ZFAND4: variants seen among roughly 807,000 people sequenced by gnomAD.
ZFAND4 encodes the protein AN1-type zinc finger protein 4.
A neutral mutation model predicts 64.4 loss-of-function variants in ZFAND4; 43 were observed. That is an observed-to-expected ratio of 0.67 (90% CI 0.52 to 0.86). The LOEUF is 0.86. Ranked by LOEUF, ZFAND4 falls within the 40% of genes least tolerant of loss-of-function variation. The pLI is 0.00. For missense variants in ZFAND4, 929 were observed against 859.8 expected (o/e 1.08, Z -1.01); for synonymous variants, 296 against 305.7 (o/e 0.97, Z 0.33).
chr10:45,649,859 T>A (rs2047646106), intron 4 of ZFAND4: 1 of 152,182 alleles, frequency 6.6e-6, no homozygotes, highest in South Asian at 2.1e-4. Context: ...TTATGCCCAT[T>A]TTTTAGATAT....
Position 45,616,309 on chromosome 10 carries a change from G to T in ZFAND4, c.*127C>A. On this transcript the variant is annotated 3_prime_UTR_variant, in exon 10 of 10. Coordinates refer to ENST00000344646, the MANE Select transcript of ZFAND4 (RefSeq NM_174890.4). ...ACAGTAGCATTCTTGTTCTCCAACA[G>T]TATGCATTGTATGCTTTTGTTATTT... 1.7e-6 allele frequency: 2 copies of T among 1,210,610 alleles called. No individual in the cohort carries two copies. Among genetic ancestry groups the T allele is most frequent in the South Asian group, 1.5e-5 (1 of 64,646 alleles). 75.0% of individuals were successfully genotyped at this position (1,210,610 alleles called of 1,614,324 possible).
In ZFAND4 at chr10:45,619,669, T is replaced by C. The variant is rs752398149; in HGVS notation, c.1928-1409A>G. On this transcript the variant is annotated intron_variant, in intron 8 of 9. Coordinates refer to ENST00000344646, the MANE Select transcript of ZFAND4 (RefSeq NM_174890.4). ...GAAATTTCTTAAAGGGTTCAAAAAA[T>C]TGGATTTACAATTAATTGGTTCTAT... 9.2e-5 allele frequency among the ~76,000 whole-genome samples: 14 copies of C among 152,226 alleles called. No individual in the cohort carries two copies. The East Asian group carries it at 2.7e-3, about 29-fold the overall frequency.
At chr10:45,635,036 GAATT>G (rs1046500345) in intron 6 of ZFAND4, among the ~76,000 whole-genome samples, 3 of 151,616 alleles carry the variant, frequency 2.0e-5, no homozygotes, top group Non-Finnish European at 4.4e-5. Context: ...TGAGTTGGAA[GAATT>G]AATATTGTTA....
chr10:45,654,883 A>C (rs1311754091), intron 2 of ZFAND4, among the ~76,000 whole-genome samples: 1 of 152,198 alleles, frequency 6.6e-6, no homozygotes, highest in Non-Finnish European at 1.5e-5. Context: ...GAAAAGAGAT[A>C]AACAACAACA....
rs2045849159 is a variant in ZFAND4 at position 45,626,627 on chromosome 10, C to T, written c.1196G>A (p.Gly399Asp). ...VTEQSLLPKV[G>D]SLASFAEGNA... ...TCCTTCTGCAAATGAAGCCAGTGAG[C>T]CCACTTTAGGTAGAAGTGATTGTTC... The change falls in exon 7 of 10, where the codon GGC becomes GAC. Residue 399 changes from glycine (G) to aspartate (D), a missense_variant. Gly to Asp is a moderately conservative substitution (Grantham distance 94, BLOSUM62 -1). Transcript: ENST00000344646. 16 of 1,614,212 alleles carry T rather than the reference C, an allele frequency of 9.9e-6. No individual in the cohort carries two copies. The highest frequency in any genetic ancestry group is 1.3e-5 in the African/African-American group (1 of 75,040).
In ZFAND4 at chr10:45,625,978, G is replaced by A; in HGVS notation, c.1845C>T (p.Pro615=). The A allele has an allele frequency of 6.2e-7, 1 of 1,614,030 alleles. No homozygotes were observed. Among genetic ancestry groups the A allele is most frequent in the Non-Finnish European group, 8.5e-7 (1 of 1,180,016 alleles). The stretch of plus-strand genomic sequence containing the variant: ...AAAAAACTCCTGTATGTTCTAACTG[G>A]GGAGAACTTTTCCTAAAGTTTTCTT... ...FQEENFRKSS[P]QLEHTGVFLS... Residue 615 remains proline (P), a synonymous_variant, in exon 7 of 10, where the codon CCC becomes CCT. Transcript: ENST00000344646.
intron 5 of ZFAND4, among the ~76,000 whole-genome samples, chr10:45,642,181 G>C (rs1263016269): frequency 6.6e-6 from 1 of 152,154 alleles, no homozygotes; most frequent in Non-Finnish European, 1.5e-5. Flanking sequence ...GAGTTACTCT[G>C]TGGCATTTTA....
chr10:45,628,829 A>T (rs1564567737), intron 6 of ZFAND4, among the ~76,000 whole-genome samples: 1 of 149,898 alleles, frequency 6.7e-6, no homozygotes, highest in Non-Finnish European at 1.5e-5. Flanking sequence ...AATCCAAGAA[A>T]CTCATCTGCA....
chr10:45,667,452 TTC>T (rs1290557332), intron 1 of ZFAND4, among the ~76,000 whole-genome samples: 1 of 139,386 alleles, frequency 7.2e-6, no homozygotes, highest in African/African-American at 2.6e-5. Flanking sequence ...ATATGCTCTT[TTC>T]TTTCTTTTTT....
At chr10:45,633,651 T>TA (rs908654021) in intron 6 of ZFAND4, among the ~76,000 whole-genome samples, 50 of 145,352 alleles carry the variant, frequency 3.4e-4, no homozygotes, top group Admixed American at 9.0e-4. Flanking sequence ...AAATTTTCTT[T>TA]AAAAAAAAAA....
Position 45,616,083 on chromosome 10 carries a change from G to A in ZFAND4, c.*353C>T. On this transcript the variant is annotated 3_prime_UTR_variant, in exon 10 of 10. Transcript: ENST00000344646. ...CATTCATTACATGACTGCTCATTCT[G>A]TACAATGTGGAAGCCTGGTTATTTA... The A allele has an allele frequency of 4.6e-6, 1 of 219,282 alleles. No individual in the cohort carries two copies. Among genetic ancestry groups the A allele is most frequent in the South Asian group, 7.0e-5 (1 of 14,244 alleles). 13.6% of individuals were successfully genotyped at this position (219,282 alleles called of 1,614,324 possible).
intron 8 of ZFAND4, among the ~76,000 whole-genome samples, chr10:45,622,751 T>C (rs902809444): frequency 2.0e-5 from 3 of 152,214 alleles, no homozygotes; most frequent in Non-Finnish European, 4.4e-5. Flanking sequence ...AGATACTTCA[T>C]TGGGTTTTAT....
At chr10:45,641,850 T>C (rs2047021143) in intron 5 of ZFAND4, among the ~76,000 whole-genome samples, 1 of 152,216 alleles carries the variant, frequency 6.6e-6, no homozygotes, top group Non-Finnish European at 1.5e-5. Flanking sequence ...GGTTAAGTGA[T>C]TTGGCTCAAG....
chr10:45,631,923 T>C (rs151121845), intron 6 of ZFAND4, among the ~76,000 whole-genome samples: 1 of 152,236 alleles, frequency 6.6e-6, no homozygotes, highest in Non-Finnish European at 1.5e-5. Context: ...ATAAAAATGT[T>C]AAGTCTAAAG....
At chr10:45,649,784 G>C (rs2047638505) in intron 4 of ZFAND4, 1 of 152,120 alleles carries the variant, frequency 6.6e-6, no homozygotes, top group South Asian at 2.1e-4. Flanking sequence ...ATAAAAATTT[G>C]GATCAGAGAG....
At chr10:45,635,194 G>A (rs1365833099) in intron 6 of ZFAND4, among the ~76,000 whole-genome samples, 4 of 8,626 alleles carry the variant, frequency 4.6e-4, no homozygotes, top group Admixed American at 1.6e-3. Context: ...AGCCATCTAA[G>A]CAAAAAAAAA....
chr10:45,665,266 A>G lies in ZFAND4; in HGVS notation c.-117-1424T>C, dbSNP rs554999674. Among the ~76,000 whole-genome samples, 197 of 152,064 alleles carry G rather than the reference A, an allele frequency of 1.3e-3. 1 individual carries two copies. The highest frequency in any genetic ancestry group is 4.3e-3 in the African/African-American group (179 of 41,478). ...AAAATAGCTTTATTGAGGGCCAGGC[A>G]CAGTGGCTCACACCTGTAATCCCAG... On this transcript the variant is annotated intron_variant, in intron 1 of 9. Coordinates refer to ENST00000344646, the MANE Select transcript of ZFAND4 (RefSeq NM_174890.4).
chr10:45,652,947 A>G (rs759091329), intron 3 of ZFAND4, 37 bp downstream of exon 3: 1 of 1,500,108 alleles, frequency 6.7e-7, no homozygotes, highest in Non-Finnish European at 9.2e-7. Context: ...CATAATACTA[A>G]GTGCCTACAA....
intron 9 of ZFAND4, 115 bp from the exon 10 acceptor site, chr10:45,616,686 G>T: frequency 1.0e-6 from 1 of 971,662 alleles, no homozygotes; most frequent in Non-Finnish European, 1.5e-6. Context: ...GTTCTTTTTA[G>T]CAATTTCACT....
Sources: allele counts gnomAD v4.1 joint callset (sites outside exome capture counted in the v4.1 genomes callset), GRCh38; gene constraint gnomAD v4.1.1; transcripts MANE v1.5; gene names NCBI Gene and HGNC (gene_info 2026-07-23, HGNC 2026-07-21).